The following ACTR3B variants were observed in gnomAD, a reference collection of about 807,000 sequenced individuals.
ACTR3B encodes actin related protein 3B.
Under a neutral mutation model 59.0 loss-of-function variants are expected in ACTR3B, and 8 were observed. The ratio of observed to expected loss-of-function variants is 0.14; its 90% CI spans 0.08 to 0.24. ACTR3B has a LOEUF of 0.24. Among genes scored for constraint, ACTR3B ranks in the 10% least tolerant of loss-of-function variants. The pLI is 1.00. For synonymous variants in ACTR3B, 148 were observed against 197.9 expected, an observed-to-expected ratio of 0.75 and a Z score of 2.12; for missense variants, 245 against 552.3, an observed-to-expected ratio of 0.44 and a Z score of 5.58.
At chr7:152,780,294 T>C (rs952872576) in intron 1 of ACTR3B, among the ~76,000 whole-genome samples, 44 of 148,274 alleles carry the variant, frequency 3.0e-4, no homozygotes, top group African/African-American at 1.1e-3. Context: ...GAGGTTGCAG[T>C]GAGCCGAGAT....
chr7:152,840,385 C>T (rs116576958), intron 9 of ACTR3B, among the ~76,000 whole-genome samples: 7,641 of 152,186 alleles, frequency 0.05, 142 homozygotes, highest in Middle Eastern at 0.12. Flanking sequence ...GTGCTGACGT[C>T]ATTACCCTCT....
intron 1 of ACTR3B, among the ~76,000 whole-genome samples, chr7:152,770,637 C>T (rs1208883095): frequency 1.3e-5 from 2 of 151,978 alleles, no homozygotes; most frequent in East Asian, 1.9e-4. Flanking sequence ...TAGATATACG[C>T]CCAGAACAAA....
intron 2 of ACTR3B, among the ~76,000 whole-genome samples, chr7:152,799,313 T>G (rs981448817): frequency 3.3e-5 from 5 of 152,252 alleles, no homozygotes; most frequent in East Asian, 3.8e-4. Context: ...TTCTCTAATG[T>G]CTGTTCTGAT....
chr7:152,779,871 A>G (rs1010135705), intron 1 of ACTR3B, among the ~76,000 whole-genome samples: 19 of 152,240 alleles, frequency 1.2e-4, no homozygotes, highest in African/African-American at 4.3e-4. Context: ...TTGTTACATT[A>G]TGATTATTCA....
chr7:152,769,415 C>G (rs1048020530), intron 1 of ACTR3B, among the ~76,000 whole-genome samples: 1 of 152,156 alleles, frequency 6.6e-6, no homozygotes, highest in Non-Finnish European at 1.5e-5. Context: ...GTGATCCCTG[C>G]TTGCTTCTCC....
chr7:152,834,723 C>T (rs922889775), intron 9 of ACTR3B, among the ~76,000 whole-genome samples: 1 of 152,136 alleles, frequency 6.6e-6, no homozygotes, highest in Non-Finnish European at 1.5e-5. Flanking sequence ...TATTGCATTA[C>T]CAGGACATGT....
intron 9 of ACTR3B, among the ~76,000 whole-genome samples, chr7:152,846,147 C>T (rs1798252306): frequency 6.6e-6 from 1 of 151,808 alleles, no homozygotes; most frequent in Admixed American, 6.6e-5. Context: ...GCTCTAGTGC[C>T]CGGGCTGTAG....
chr7:152,823,209 C>G (rs1179545927), intron 7 of ACTR3B, 133 bp from the exon 8 acceptor site: 12 of 1,268,570 alleles, frequency 9.5e-6, no homozygotes, highest in African/African-American at 3.0e-5. Context: ...TGATGCATAT[C>G]CACACTAGAG....
chr7:152,766,270 A>T (rs989183540), intron 1 of ACTR3B, among the ~76,000 whole-genome samples: 2 of 152,250 alleles, frequency 1.3e-5, no homozygotes, highest in African/African-American at 4.8e-5. Context: ...TTCCTCCAGC[A>T]TCAGGCTGTG....
At chr7:152,830,512 C>G (rs1222388340) in intron 9 of ACTR3B, among the ~76,000 whole-genome samples, 1 of 152,094 alleles carries the variant, frequency 6.6e-6, no homozygotes, top group East Asian at 1.9e-4. Context: ...ACTAGAGAAG[C>G]CTGTTGCAGG....
At chr7:152,828,430 C>T (rs1227117019) in intron 9 of ACTR3B, among the ~76,000 whole-genome samples, 1 of 152,158 alleles carries the variant, frequency 6.6e-6, no homozygotes, top group Admixed American at 6.5e-5. Flanking sequence ...GCTGCACTGA[C>T]GAGGTTCGCT....
At chr7:152,808,797 T>C (rs2098260362) in intron 4 of ACTR3B, among the ~76,000 whole-genome samples, 1 of 152,244 alleles carries the variant, frequency 6.6e-6, no homozygotes, top group African/African-American at 2.4e-5. Context: ...TTGGCTATTA[T>C]GGCTGTTTAT....
At chr7:152,797,083 A>G (rs2098220014) in intron 2 of ACTR3B, among the ~76,000 whole-genome samples, 1 of 151,512 alleles carries the variant, frequency 6.6e-6, no homozygotes, top group Non-Finnish European at 1.5e-5. Flanking sequence ...TTTAATTAAA[A>G]ACAGTTTTTA....
At chr7:152,785,018 T>C (rs879019190) in intron 2 of ACTR3B, among the ~76,000 whole-genome samples, 7 of 152,034 alleles carry the variant, frequency 4.6e-5, no homozygotes, top group East Asian at 3.9e-4. Context: ...CCCCAGAACC[T>C]GATCATTCCA....
At chr7:152,804,276 T>C (rs2116755965) in intron 4 of ACTR3B, among the ~76,000 whole-genome samples, 1 of 152,270 alleles carries the variant, frequency 6.6e-6, no homozygotes, top group East Asian at 1.9e-4. Flanking sequence ...GGAAACTGAA[T>C]TAGAACTTCG....
At chr7:152,791,337 A>G (rs536665767) in intron 2 of ACTR3B, among the ~76,000 whole-genome samples, 1 of 152,248 alleles carries the variant, frequency 6.6e-6, no homozygotes, top group South Asian at 2.1e-4. Context: ...TAATCTTTTT[A>G]GTTTTGATTC....
chr7:152,783,671 T>G (rs1160154355), intron 2 of ACTR3B, among the ~76,000 whole-genome samples: 1 of 152,196 alleles, frequency 6.6e-6, no homozygotes, highest in Non-Finnish European at 1.5e-5. Flanking sequence ...TTTAGTAGTA[T>G]TCTGTTTTTG....
chr7:152,771,646 G>GT (rs1406510725), intron 1 of ACTR3B, among the ~76,000 whole-genome samples: 2 of 152,146 alleles, frequency 1.3e-5, no homozygotes, highest in Admixed American at 1.3e-4. Context: ...TGGAACAGAT[G>GT]TAACATTAAT....
chr7:152,832,817 G>T (rs968331138), intron 9 of ACTR3B, among the ~76,000 whole-genome samples: 1 of 152,184 alleles, frequency 6.6e-6, no homozygotes, highest in African/African-American at 2.4e-5. Context: ...CTCAGTTTTT[G>T]TTCTTGAGAC....
Sources: allele counts gnomAD v4.1 joint callset (sites outside exome capture counted in the v4.1 genomes callset), GRCh38; gene constraint gnomAD v4.1.1; transcripts MANE v1.5; gene names NCBI Gene and HGNC (gene_info 2026-07-23, HGNC 2026-07-21).